MPDZ: variants seen among roughly 807,000 people sequenced by gnomAD.
MPDZ encodes the protein multiple PDZ domain crumbs cell polarity complex component.
Under a neutral mutation model 239.1 loss-of-function variants are expected in MPDZ, and 234 were observed. That is an observed-to-expected ratio of 0.98 (90% CI 0.88 to 1.09). The LOEUF (loss-of-function observed/expected upper bound fraction) is 1.09, where lower values mean the gene tolerates loss of function less well. Ranked by LOEUF, MPDZ falls within the 50% of genes least tolerant of loss-of-function variation. The probability of loss-of-function intolerance (pLI) is 0.00; values close to 1 mark genes in which losing one functional copy is unlikely to be tolerated. For missense variants in MPDZ, 3,175 were observed against 2,510.0 expected, an observed-to-expected ratio of 1.26 and a Z score of -5.66; for synonymous variants, 1,048 against 881.3, an observed-to-expected ratio of 1.19 and a Z score of -3.35.
At chr9:13,184,003 T>C (rs1444277148) in intron 18 of MPDZ, among the ~76,000 whole-genome samples, 1 of 152,096 alleles carries the variant, frequency 6.6e-6, no homozygotes, top group Non-Finnish European at 1.5e-5. Flanking sequence ...TAGGCAATTA[T>C]ATATTTGTAA....
intron 1 of MPDZ, among the ~76,000 whole-genome samples, chr9:13,278,314 C>T (rs1974712014): frequency 2.0e-5 from 3 of 152,142 alleles, no homozygotes; most frequent in African/African-American, 7.2e-5. Flanking sequence ...TGCCCATTGC[C>T]GGGGTCTTCC....
Position 13,222,467 on chromosome 9 carries a change from G to C in MPDZ, c.534-21C>G, listed in dbSNP as rs981610404. The C allele has an allele frequency of 5.1e-6, 8 of 1,576,168 alleles. No individual in the cohort carries two copies. In the Admixed American group the frequency reaches 6.7e-5, roughly 13 times the overall value. ...CATCTCTATCAAGGATGCAAAAGGG[G>C]ATAAAAGACAATCTGAGAGTTCTCA... On this transcript the variant is annotated intron_variant, in intron 5 of 46. Coordinates refer to ENST00000319217, the MANE Select transcript of MPDZ (RefSeq NM_001378778.1).
At position 13,136,764 on chromosome 9, in the gene MPDZ, C is replaced by T; in HGVS notation, c.4240G>A (p.Ala1414Thr). 1 of 1,603,244 alleles carries T rather than the reference C, an allele frequency of 6.2e-7. No individual in the cohort carries two copies. Among genetic ancestry groups the T allele is most frequent in the Non-Finnish European group, 8.5e-7 (1 of 1,173,918 alleles). ...QILYGRSHQNASSIIKCAPSK... is the reference protein window; with the variant it reads ...QILYGRSHQNTSSIIKCAPSK... ...GGGGCACATTTAATGATTGATGAGG[C>T]ATTCTGATGACTTCTTCCATATAAA... The change falls in exon 30 of 47, where the codon GCC (alanine) becomes ACC (threonine). Residue 1414 changes from alanine to threonine, a missense_variant. Coordinates refer to ENST00000319217, the MANE Select transcript of MPDZ (RefSeq NM_001378778.1).
intron 3 of MPDZ, among the ~76,000 whole-genome samples, chr9:13,232,730 G>A (rs1405882619): frequency 6.6e-6 from 1 of 151,214 alleles, no homozygotes; most frequent in Non-Finnish European, 1.5e-5. Flanking sequence ...TACAATTAAA[G>A]GAGTGAAAAT....
intron 31 of MPDZ, chr9:13,135,058 A>C (rs1285553863): frequency 6.6e-6 from 1 of 152,142 alleles, no homozygotes; most frequent in African/African-American, 2.4e-5. Flanking sequence ...TCATCTCTAA[A>C]CTGGAGACCA....
chr9:13,240,759 T>G (rs1165671096), intron 3 of MPDZ, among the ~76,000 whole-genome samples: 1 of 151,974 alleles, frequency 6.6e-6, no homozygotes, highest in African/African-American at 2.4e-5. Flanking sequence ...ATGGACTAGT[T>G]AAATGAGGCA....
chr9:13,157,158 T>C (rs1199005058), intron 24 of MPDZ, among the ~76,000 whole-genome samples: 1 of 152,206 alleles, frequency 6.6e-6, no homozygotes, highest in Non-Finnish European at 1.5e-5. Flanking sequence ...CTTGAGCATT[T>C]TATTTATTCA....
chr9:13,157,552 TG>T (rs1192677348), intron 24 of MPDZ, among the ~76,000 whole-genome samples: 1 of 152,112 alleles, frequency 6.6e-6, no homozygotes, highest in Non-Finnish European at 1.5e-5. Context: ...CTATTATACA[TG>T]AAACTGGTGC....
chr9:13,130,403 C>T (rs1023876075), intron 32 of MPDZ, among the ~76,000 whole-genome samples: 1 of 152,112 alleles, frequency 6.6e-6, no homozygotes, highest in African/African-American at 2.4e-5. Context: ...ACATTTTTCC[C>T]CTTATGCATG....
intron 13 of MPDZ, among the ~76,000 whole-genome samples, 186 bp from the exon 14 acceptor site, chr9:13,193,499 C>T (rs986382523): frequency 3.3e-5 from 5 of 152,140 alleles, no homozygotes; most frequent in African/African-American, 1.2e-4. Context: ...CTTTTGATTT[C>T]ATGAACTTAC....
At position 13,197,341 on chromosome 9, in the gene MPDZ, G is replaced by A. The variant is rs368488567; in HGVS notation, c.1547-1111C>T. ...TAAATTAGATGGGGGGTCTTGCTCT[G>A]TTGCTCAGGCTGGTCTCAAACTTCT... On this transcript the variant is annotated intron_variant, in intron 12 of 46. Transcript: ENST00000319217. Among the ~76,000 whole-genome samples, 5 of 152,130 alleles carry A rather than the reference G, an allele frequency of 3.3e-5. 1 individual carries two copies. The East Asian group carries it at 9.7e-4, about 29-fold the overall frequency.
At chr9:13,109,922 T>C (rs1942145596) in intron 45 of MPDZ, 30 bp downstream of exon 45, 2 of 1,552,700 alleles carry the variant, frequency 1.3e-6, no homozygotes, top group East Asian at 2.3e-5. Flanking sequence ...AAGTGAAAAA[T>C]GATACACTAA....
Position 13,138,008 on chromosome 9 carries a change from A to G in MPDZ, c.4149T>C (p.Asn1383=), listed in dbSNP as rs774690083. 5.6e-6 allele frequency: 9 copies of G among 1,613,704 alleles called. No homozygotes were observed. In the African/African-American group the frequency reaches 9.3e-5, roughly 17 times the overall value. Residue 1383 remains asparagine, a synonymous_variant, in exon 29 of 47, where the codon AAT becomes AAC. Transcript: ENST00000319217. Reference sequence around the variant, plus strand: ...ATCGACCATCTTTTCCTGCAGCTCCATTTGGATCAATCCCCACTATGAAGA... The same window carrying G: ...ATCGACCATCTTTTCCTGCAGCTCCGTTTGGATCAATCCCCACTATGAAGA... ...MSVFIVGIDP[N]GAAGKDGRLQ... is the part of the protein sequence containing the mutation.
intron 17 of MPDZ, among the ~76,000 whole-genome samples, chr9:13,187,984 T>C (rs953894926): frequency 4.6e-5 from 7 of 152,174 alleles, no homozygotes; most frequent in Non-Finnish European, 8.8e-5. Context: ...TGAACCCATT[T>C]TGGAAAGTTT....
In MPDZ at chr9:13,165,308, T is replaced by C. The variant is rs1587427925; in HGVS notation, c.3255-2513A>G. The C allele has an allele frequency of 7.1e-5, 108 of 1,524,656 alleles. No homozygotes were observed. In the East Asian group the frequency reaches 2.6e-3, roughly 37 times the overall value. 94.4% of individuals were successfully genotyped at this position (1,524,656 alleles called of 1,614,324 possible). ...GGGACATTACAAAAGCACAAAATTGTTTTCACAGACAAGTTGTAACACACA... is the reference window on the plus strand; with the variant it reads ...GGGACATTACAAAAGCACAAAATTGCTTTCACAGACAAGTTGTAACACACA... On this transcript the variant is annotated intron_variant, in intron 22 of 46. Transcript: ENST00000319217.
chr9:13,187,322 A>G (rs1216111020), intron 17 of MPDZ, among the ~76,000 whole-genome samples: 2 of 152,160 alleles, frequency 1.3e-5, no homozygotes, highest in Non-Finnish European at 2.9e-5. Context: ...GCTTCTGAAT[A>G]ACTGGTATGG....
intron 36 of MPDZ, 50 bp downstream of exon 36, chr9:13,123,103 G>C: frequency 1.3e-6 from 2 of 1,530,266 alleles, no homozygotes; most frequent in East Asian, 2.3e-5. Flanking sequence ...TCGTCTCTGA[G>C]GCCTGGCTGA....
In MPDZ at chr9:13,158,071, A is replaced by G; in HGVS notation, c.3399T>C (p.Gly1133=). ...PELPEREEGE[G]EESELQNTAY... ...CTGTGTTTTGAAGTTCGCTTTCTTC[A>G]CCCTCTCCCTCTTCTCGCTCTGGTA... Residue 1133 remains glycine, a synonymous_variant, in exon 24 of 47, where the codon GGT becomes GGC. Transcript: ENST00000319217. 1.2e-6 allele frequency: 2 copies of G among 1,612,608 alleles called. No homozygotes were observed. The highest frequency in any genetic ancestry group is 1.7e-6 in the Non-Finnish European group (2 of 1,179,152).
chr9:13,243,558 A>G (rs1015708167), intron 3 of MPDZ, among the ~76,000 whole-genome samples: 9 of 152,178 alleles, frequency 5.9e-5, no homozygotes, highest in African/African-American at 2.2e-4. Context: ...GTAATTAACA[A>G]AAACTTACAT....
Sources: allele counts gnomAD v4.1 joint callset (sites outside exome capture counted in the v4.1 genomes callset), GRCh38; gene constraint gnomAD v4.1.1; transcripts MANE v1.5; gene names NCBI Gene and HGNC (gene_info 2026-07-23, HGNC 2026-07-21).